Variants in DCPS observed in about 807,000 individuals in gnomAD.
DCPS encodes m7GpppX diphosphatase.
In DCPS, 27 loss-of-function variants were observed where a neutral mutation model predicts 34.7. The observed-to-expected ratio is 0.78, with a 90% CI of 0.57 to 1.07. DCPS has a LOEUF of 1.07. Ranked by LOEUF, DCPS falls within the 50% of genes least tolerant of loss-of-function variation. DCPS has a pLI of 0.00. For missense variants in DCPS, 464 were observed against 436.9 expected (o/e 1.06, Z -0.55); for synonymous variants, 185 against 185.7 (o/e 1.00, Z 0.03).
At position 126,347,944 on chromosome 11, in the gene DCPS, C is replaced by G. The variant is rs1951952565; in HGVS notation, c.*2331C>G. On this transcript the variant is annotated 3_prime_UTR_variant, in exon 6 of 6. Coordinates refer to ENST00000263579, the MANE Select transcript of DCPS (RefSeq NM_014026.6). This position sits in a 1 kb window ranked among gnomAD's most constrained non-coding sequence, Gnocchi z 4.2. ...CTGTGGAGCAGCCCTTCCCTGTGGC[C>G]TCAGCCCATGCCCTCCTGCCCAGCC... 6.6e-6 allele frequency among the ~76,000 whole-genome samples: 1 copy of G among 152,154 alleles called. No individual in the cohort carries two copies. The highest frequency in any genetic ancestry group is 6.5e-5 in the Admixed American group (1 of 15,280).
intron 2 of DCPS, among the ~76,000 whole-genome samples, chr11:126,317,400 C>CTTTT (rs11292533): frequency 4.1e-5 from 6 of 147,646 alleles, no homozygotes; most frequent in Non-Finnish European, 6.0e-5. Flanking sequence ...GCATTTTGCT[C>CTTTT]TTTTTTTTTT....
In DCPS at chr11:126,304,105, G is replaced by A. The variant is rs763469702; in HGVS notation, c.25G>A (p.Gly9Ser). Residue 9 changes from glycine (G) to serine (S), a missense_variant, in exon 1 of 6, where the codon GGC (glycine) becomes AGC (serine). Coordinates refer to ENST00000263579, the MANE Select transcript of DCPS (RefSeq NM_014026.6). ...CATGGCGGACGCAGCTCCTCAACTA[G>A]GCAAGAGGAAGCGCGAATTGGACGT... Reference protein sequence around the residue: MADAAPQLGKRKRELDVEE... With the variant: MADAAPQLSKRKRELDVEE... The A allele has an allele frequency of 4.3e-6, 7 of 1,611,988 alleles. No individual in the cohort carries two copies. In the South Asian group the frequency reaches 6.6e-5, roughly 15 times the overall value.
Position 126,349,589 on chromosome 11 carries a change from T to C in DCPS, c.*3976T>C, listed in dbSNP as rs1951972655. Among the ~76,000 whole-genome samples the C allele has an allele frequency of 6.6e-6, 1 of 152,188 alleles. No individual in the cohort carries two copies. The highest frequency in any genetic ancestry group is 2.4e-5 in the African/African-American group (1 of 41,442). On this transcript the variant is annotated 3_prime_UTR_variant, in exon 6 of 6. Transcript: ENST00000263579. This position sits in a 1 kb window ranked among gnomAD's most constrained non-coding sequence, Gnocchi z 5.4. The stretch of plus-strand genomic sequence containing the variant: ...CCCTGTTGAATACAGATCCCCGAAC[T>C]GAGAAATAAGAAACAACTACATACG...
Position 126,314,419 on chromosome 11 carries a change from G to C in DCPS, c.376+7675G>C, listed in dbSNP as rs144489234. Among the ~76,000 whole-genome samples the C allele has an allele frequency of 1.1e-4, 16 of 152,294 alleles. No individual in the cohort carries two copies. The East Asian group carries it at 2.9e-3, about 27-fold the overall frequency. ...ATGGAAAGTAGTACAACCATTACGG[G>C]AAACAGTGTGGAAATTCCTTAAAGA... On this transcript the variant is annotated intron_variant, in intron 2 of 5. Transcript: ENST00000263579.
intron 2 of DCPS, among the ~76,000 whole-genome samples, chr11:126,326,977 C>T (rs138874653): frequency 1.3e-3 from 191 of 152,024 alleles, no homozygotes; most frequent in African/African-American, 4.3e-3. Flanking sequence ...ACATTTGCCA[C>T]ATTGGCTTTT....
At chr11:126,341,620 G>C (rs529995965) in intron 4 of DCPS, 1 of 152,318 alleles carries the variant, frequency 6.6e-6, no homozygotes, top group East Asian at 1.9e-4. Context: ...TATTATTTGG[G>C]AGTTTGGTGA....
rs1487670456 is a variant in DCPS, at chr11:126,327,720, T to C, written c.377-3685T>C. The stretch of plus-strand genomic sequence containing the variant: ...TTTGTATCAGAGAGGTTTTATTTCA[T>C]CTGGGACAAAAATGCTCTTCCTGGG... On this transcript the variant is annotated intron_variant, in intron 2 of 5. Transcript: ENST00000263579. The surrounding 1 kb of genome is among the most constrained non-coding windows in gnomAD (Gnocchi z 4.1). Among the ~76,000 whole-genome samples the C allele has an allele frequency of 2.6e-5, 4 of 152,258 alleles. No homozygotes were observed. The highest frequency in any genetic ancestry group is 4.4e-5 in the Non-Finnish European group (3 of 68,050).
Position 126,322,596 on chromosome 11 carries a change from CTTT to C in DCPS, c.377-8796_377-8794del, listed in dbSNP as rs747786581. 4.4e-5 allele frequency among the ~76,000 whole-genome samples: 6 copies of C among 137,864 alleles called. No homozygotes were observed. Among genetic ancestry groups the C allele is most frequent in the African/African-American group, 5.3e-5 (2 of 37,446 alleles). 90.4% of individuals were successfully genotyped at this position (137,864 alleles called of 152,430 possible). On this transcript the variant is annotated intron_variant, in intron 2 of 5. Coordinates refer to ENST00000263579, the MANE Select transcript of DCPS (RefSeq NM_014026.6). The surrounding 1 kb of genome is among the most constrained non-coding windows in gnomAD (Gnocchi z 4.2). ...AGATTTTCTTTCTATCCTAAAATTCCTTTTTTTTTTTTTTTGAGACGAAGTCTC... is the reference window on the plus strand; with the variant it reads ...AGATTTTCTTTCTATCCTAAAATTCCTTTTTTTTTTTTGAGACGAAGTCTC...
chr11:126,343,681 C>G (rs987735877), intron 5 of DCPS, among the ~76,000 whole-genome samples: 20 of 152,160 alleles, frequency 1.3e-4, no homozygotes, highest in African/African-American at 4.8e-4. Flanking sequence ...CCCATAGACT[C>G]TGGTCCTTAA....
rs908881793 is a variant in DCPS at position 126,345,650 on chromosome 11, G to C, written c.*37G>C. On this transcript the variant is annotated 3_prime_UTR_variant, in exon 6 of 6. Coordinates refer to ENST00000263579, the MANE Select transcript of DCPS (RefSeq NM_014026.6). This position sits in a 1 kb window ranked among gnomAD's most constrained non-coding sequence, Gnocchi z 7.4. ...CAGAAGAGCACAGATGTGTGGGATT[G>C]GGGGAGGAGTGGGGACAAGATTTTT... 6 of 1,591,516 alleles carry C rather than the reference G, an allele frequency of 3.8e-6. No homozygotes were observed. The highest frequency in any genetic ancestry group is 2.2e-5 in the East Asian group (1 of 44,472).
chr11:126,331,339 C>A lies in DCPS; in HGVS notation c.377-66C>A. 3 of 1,583,734 alleles carry A rather than the reference C, an allele frequency of 1.9e-6. No homozygotes were observed. The highest frequency in any genetic ancestry group is 2.6e-6 in the Non-Finnish European group (3 of 1,163,890). On this transcript the variant is annotated intron_variant, in intron 2 of 5. Transcript: ENST00000263579. This position sits in a 1 kb window ranked among gnomAD's most constrained non-coding sequence, Gnocchi z 7.2. ...GCCAGGGTGGGAGTTCTCTCCTCAC[C>A]GTGGTGCCTGTGGCATAGAGAGTGG...
chr11:126,321,593 C>T (rs966989610), intron 2 of DCPS, among the ~76,000 whole-genome samples: 3 of 152,084 alleles, frequency 2.0e-5, no homozygotes, highest in Non-Finnish European at 4.4e-5. Context: ...GTGACCACAG[C>T]GACACCCACA....
In DCPS at chr11:126,323,852, A is replaced by G. The variant is rs1951723218; in HGVS notation, c.377-7553A>G. Among the ~76,000 whole-genome samples, 1 of 151,836 alleles carries G rather than the reference A, an allele frequency of 6.6e-6. No individual in the cohort carries two copies. The highest frequency in any genetic ancestry group is 1.5e-5 in the Non-Finnish European group (1 of 67,978). The stretch of plus-strand genomic sequence containing the variant: ...GTTGTTTTTTTGTTTGTTTTTTGAG[A>G]TGGTGTCTTGCTCTGTTGCCCAGAC... On this transcript the variant is annotated intron_variant, in intron 2 of 5. Transcript: ENST00000263579. The surrounding 1 kb of genome is among the most constrained non-coding windows in gnomAD (Gnocchi z 4.4).
rs946000447 is a variant in DCPS at position 126,332,861 on chromosome 11, A to G, written c.522+1311A>G. ...AGGAACTATATCTCCACCTTCTTAG[A>G]GTTTCTGCTGTTCAGGGTCCTAGGG... On this transcript the variant is annotated intron_variant, in intron 3 of 5. Transcript: ENST00000263579. The surrounding 1 kb of genome is among the most constrained non-coding windows in gnomAD (Gnocchi z 5.4). 3.3e-5 allele frequency among the ~76,000 whole-genome samples: 5 copies of G among 151,936 alleles called. No homozygotes were observed. Among genetic ancestry groups the G allele is most frequent in the Admixed American group, 3.3e-4 (5 of 15,246 alleles).
rs1175939882 is a variant in DCPS, at chr11:126,349,893, A to C, written c.*4280A>C. On this transcript the variant is annotated 3_prime_UTR_variant, in exon 6 of 6. Transcript: ENST00000263579. The surrounding 1 kb of genome is among the most constrained non-coding windows in gnomAD (Gnocchi z 5.4). ...ACATTGAATTCTGAAATCCATGTCA[A>C]CTTGAAGTTACCAAGTTTTAACCAC... 6.6e-6 allele frequency among the ~76,000 whole-genome samples: 1 copy of C among 152,264 alleles called. No homozygotes were observed. Among genetic ancestry groups the C allele is most frequent in the Non-Finnish European group, 1.5e-5 (1 of 68,042 alleles).
At chr11:126,309,776 G>T (rs549272860) in intron 2 of DCPS, among the ~76,000 whole-genome samples, 126 of 152,150 alleles carry the variant, frequency 8.3e-4, no homozygotes, top group Non-Finnish European at 1.1e-3. Context: ...TTGAGGTCAG[G>T]ATTGTCAAAC....
Position 126,328,783 on chromosome 11 carries a change from C to T in DCPS, c.377-2622C>T, listed in dbSNP as rs528362021. Among the ~76,000 whole-genome samples, 6 of 152,316 alleles carry T rather than the reference C, an allele frequency of 3.9e-5. No homozygotes were observed. Among genetic ancestry groups the T allele is most frequent in the Non-Finnish European group, 7.4e-5 (5 of 68,008 alleles). On this transcript the variant is annotated intron_variant, in intron 2 of 5. Coordinates refer to ENST00000263579, the MANE Select transcript of DCPS (RefSeq NM_014026.6). This position sits in a 1 kb window ranked among gnomAD's most constrained non-coding sequence, Gnocchi z 6.6. ...CCAACCCAGGCAACGGAGGCAACAG[C>T]GGAGAGAATCCAAGCTAGCCTGGGG...
At chr11:126,309,481 A>G (rs966683828) in intron 2 of DCPS, among the ~76,000 whole-genome samples, 1 of 152,212 alleles carries the variant, frequency 6.6e-6, no homozygotes, top group Admixed American at 6.5e-5. Context: ...TGTAAATGCT[A>G]TGTAAATAGT....
chr11:126,314,218 T>C (rs1441436322), intron 2 of DCPS, among the ~76,000 whole-genome samples: 1 of 152,238 alleles, frequency 6.6e-6, no homozygotes, highest in East Asian at 1.9e-4. Context: ...GTTCCTGCCT[T>C]AGTTGGCTTA....
Sources: gnomAD v4.1 joint callset for allele counts (sites outside exome capture counted in the v4.1 genomes callset) on GRCh38, gnomAD v4.1.1 for gene constraint, Gnocchi (gnomAD v3.1) non-coding constraint, MANE v1.5 for transcripts, NCBI Gene and HGNC (gene_info 2026-07-23, HGNC 2026-07-21) for gene names.